The following PCDHGA2 variants were observed in gnomAD, a reference collection of about 807,000 sequenced individuals.
The protein encoded by PCDHGA2 is protocadherin gamma subfamily A, 2.
Under a neutral mutation model 59.2 loss-of-function variants are expected in PCDHGA2, and 40 were observed. The ratio of observed to expected loss-of-function variants is 0.68; its 90% CI spans 0.52 to 0.88. The LOEUF is 0.88. Ranked by LOEUF, PCDHGA2 falls within the 40% of genes least tolerant of loss-of-function variation. The pLI is 0.00. For missense variants in PCDHGA2, 1,226 were observed against 1,204.0 expected (o/e 1.02, Z -0.27); for synonymous variants, 560 against 526.0 (o/e 1.06, Z -0.89).
At chr5:141,409,798 G>T (rs2095317053) in intron 1 of PCDHGA2, 1 of 1,611,672 alleles carries the variant, frequency 6.2e-7, no homozygotes, top group South Asian at 1.1e-5. Context: ...CGCTCACGCT[G>T]CAGGCCCGCG....
chr5:141,447,181 G>C (rs442221), intron 1 of PCDHGA2, among the ~76,000 whole-genome samples: 152,246 of 152,338 alleles, frequency 1, 76,078 homozygotes, highest in Middle Eastern at 1. Context: ...CTCTTGTCGC[G>C]CAGGCTGGAG....
chr5:141,390,095 T>C lies in PCDHGA2; in HGVS notation c.2424+48700T>C, dbSNP rs763642761. 3 of 1,613,972 alleles carry C rather than the reference T, an allele frequency of 1.9e-6. No individual in the cohort carries two copies. In the South Asian group the frequency reaches 3.3e-5, roughly 18 times the overall value. ...TCTGTGTTAAATCCGAATCCGTGGT[T>C]CCCCCCAACTACAGCGAGGGGACTT... On this transcript the variant is annotated intron_variant, in intron 1 of 3. Coordinates refer to ENST00000394576, the MANE Select transcript of PCDHGA2 (RefSeq NM_018915.4).
chr5:141,478,358 C>G, intron 1 of PCDHGA2: 1 of 1,613,738 alleles, frequency 6.2e-7, no homozygotes, highest in South Asian at 1.1e-5. Flanking sequence ...GGACGCCGTG[C>G]GGGGAGGCCT....
At chr5:141,423,424 T>C in intron 1 of PCDHGA2, 1 of 1,614,004 alleles carries the variant, frequency 6.2e-7, no homozygotes, top group Non-Finnish European at 8.5e-7. Flanking sequence ...TGAAGGCGGG[T>C]TGGCAGGTAT....
At position 141,375,584 on chromosome 5, in the gene PCDHGA2, C is replaced by T. The variant is rs555182663; in HGVS notation, c.2424+34189C>T. The stretch of plus-strand genomic sequence containing the variant: ...AGAAGACACCCTCCAGGGGGCGCCC[C>T]TGTCCTCCTACGTGTCCATCAACTC... On this transcript the variant is annotated intron_variant, in intron 1 of 3. Coordinates refer to ENST00000394576, the MANE Select transcript of PCDHGA2 (RefSeq NM_018915.4). 2.3e-5 allele frequency: 37 copies of T among 1,614,178 alleles called. 2 individuals carry two copies. The South Asian group carries it at 3.8e-4, about 17-fold the overall frequency.
intron 1 of PCDHGA2, chr5:141,384,509 G>T: frequency 6.2e-7 from 1 of 1,614,176 alleles, no homozygotes; most frequent in Non-Finnish European, 8.5e-7. Flanking sequence ...GCACATGACA[G>T]CGGGGACCCG....
At chr5:141,357,145 C>A in intron 1 of PCDHGA2, 1 of 1,613,564 alleles carries the variant, frequency 6.2e-7, no homozygotes, top group Non-Finnish European at 8.5e-7. Flanking sequence ...CGTCCAGGAC[C>A]ATGGCCAGCC....
chr5:141,382,777 C>G, intron 1 of PCDHGA2: 1 of 822,390 alleles, frequency 1.2e-6, no homozygotes. Flanking sequence ...CTGCACTAAA[C>G]TCAAGCCTCT....
At chr5:141,418,908 C>A in intron 1 of PCDHGA2, 1 of 1,613,932 alleles carries the variant, frequency 6.2e-7, no homozygotes, top group South Asian at 1.1e-5. Flanking sequence ...ATAATCATCA[C>A]GTCACTCTCT....
chr5:141,503,825 CA>C (rs2154593417), intron 2 of PCDHGA2, among the ~76,000 whole-genome samples: 1 of 152,186 alleles, frequency 6.6e-6, no homozygotes, highest in Non-Finnish European at 1.5e-5. Flanking sequence ...TGGGCAAAAC[CA>C]AAAGCAGGGA....
In PCDHGA2 at chr5:141,339,062, A is replaced by C. The variant is rs1263269369; in HGVS notation, c.91A>C (p.Ile31Leu). The C allele has an allele frequency of 5.0e-6, 8 of 1,612,628 alleles. No individual in the cohort carries two copies. The African/African-American group carries it at 1.1e-4, about 22-fold the overall frequency. The change falls in exon 1 of 4, where the codon ATT (isoleucine) becomes CTT (leucine). Residue 31 changes from isoleucine to leucine, a missense_variant. Physicochemically the swap from Ile to Leu is conservative, Grantham distance 5. Transcript: ENST00000394576. ...CCTGTGGGAGGCCAGGGCCGGGCAG[A>C]TTCGCTATTCTGTGCGGGAAGAGAT... ...ATLWEARAGQ[I>L]RYSVREEIDR...
At chr5:141,508,162 G>A (rs377676571) in intron 3 of PCDHGA2, 4 of 152,502 alleles carry the variant, frequency 2.6e-5, no homozygotes, top group African/African-American at 9.7e-5. Context: ...CCTGAGTAGA[G>A]GCTGGCACAG....
At chr5:141,468,701 C>A (rs1186497330) in intron 1 of PCDHGA2, 2 of 151,628 alleles carry the variant, frequency 1.3e-5, no homozygotes, top group African/African-American at 2.4e-5. Flanking sequence ...CCCGTCTCTA[C>A]TAAAAATATA....
At position 141,371,721 on chromosome 5, in the gene PCDHGA2, C is replaced by T. The variant is rs199558038; in HGVS notation, c.2424+30326C>T. 1,426 of 1,614,084 alleles carry T rather than the reference C, an allele frequency of 8.8e-4. 23 individuals are homozygous for T. In the South Asian group the frequency reaches 0.014, roughly 16 times the overall value. On this transcript the variant is annotated intron_variant, in intron 1 of 3. Coordinates refer to ENST00000394576, the MANE Select transcript of PCDHGA2 (RefSeq NM_018915.4). ...CAGCAAGACCATCACTCTGCACATCCTTGATGTCAACGACAACGTTCCCGT... is the reference window on the plus strand; with the variant it reads ...CAGCAAGACCATCACTCTGCACATCTTTGATGTCAACGACAACGTTCCCGT...
intron 1 of PCDHGA2, among the ~76,000 whole-genome samples, chr5:141,461,768 C>T (rs532591390): frequency 1.3e-5 from 2 of 152,016 alleles, no homozygotes; most frequent in African/African-American, 4.8e-5. Context: ...ATTCTCCTGC[C>T]TCAGCCTCCC....
chr5:141,402,942 G>A, intron 1 of PCDHGA2: 1 of 1,591,382 alleles, frequency 6.3e-7, no homozygotes, highest in Non-Finnish European at 8.6e-7. Flanking sequence ...AAATTCCAAA[G>A]CGAGGCAGCA....
Position 141,432,205 on chromosome 5 carries a change from A to G in PCDHGA2, c.2425-62602A>G, listed in dbSNP as rs764567227. 1 of 1,614,180 alleles carries G rather than the reference A, an allele frequency of 6.2e-7. No individual in the cohort carries two copies. Among genetic ancestry groups the G allele is most frequent in the South Asian group, 1.1e-5 (1 of 91,074 alleles). On this transcript the variant is annotated intron_variant, in intron 1 of 3. Transcript: ENST00000394576. This position sits in a 1 kb window ranked among gnomAD's most constrained non-coding sequence, Gnocchi z 6.0. The stretch of plus-strand genomic sequence containing the variant: ...TGACCGCCCACGACCCCGACTGTGA[A>G]GAGAACGCCCAGATCACTTATTCCC...
chr5:141,410,849 C>CTTTTTTTTCTTTTT (rs2095433387), intron 1 of PCDHGA2: 1 of 129,786 alleles, frequency 7.7e-6, no homozygotes, highest in African/African-American at 6.0e-5. Flanking sequence ...TTGTCTTTGT[C>CTTTTTTTTCTTTTT]TTTTTTTTTT....
At chr5:141,353,540 C>A (rs550805213) in intron 1 of PCDHGA2, among the ~76,000 whole-genome samples, 1 of 152,290 alleles carries the variant, frequency 6.6e-6, no homozygotes, top group South Asian at 2.1e-4. Context: ...GCATCACTAA[C>A]TTTGAGTCAA....
Sources: allele counts gnomAD v4.1 joint callset (sites outside exome capture counted in the v4.1 genomes callset), GRCh38; gene constraint gnomAD v4.1.1; non-coding constraint Gnocchi (gnomAD v3.1); transcripts MANE v1.5; gene names NCBI Gene and HGNC (gene_info 2026-07-23, HGNC 2026-07-21).